RORB: variants seen among roughly 807,000 people sequenced by gnomAD.
RORB encodes the protein RAR related orphan receptor B, also known as nuclear receptor ROR-beta.
A neutral mutation model predicts 59.1 loss-of-function variants in RORB; 6 were observed. The observed-to-expected ratio is 0.10, with a 90% CI of 0.06 to 0.20. The LOEUF (loss-of-function observed/expected upper bound fraction) is 0.20, where lower values mean the gene tolerates loss of function less well. Among genes scored for constraint, RORB ranks in the 10% least tolerant of loss-of-function variants. RORB has a pLI of 1.00. For synonymous variants in RORB, 215 were observed against 204.5 expected, an observed-to-expected ratio of 1.05 and a Z score of -0.44; for missense variants, 320 against 560.5, an observed-to-expected ratio of 0.57 and a Z score of 4.33.
rs553732111 is a variant in RORB at position 74,583,327 on chromosome 9, C to G, written c.8-46955C>G. Among the ~76,000 whole-genome samples, 5 of 152,238 alleles carry G rather than the reference C, an allele frequency of 3.3e-5. No individual in the cohort carries two copies. In the East Asian group the frequency reaches 9.6e-4, roughly 29 times the overall value. On this transcript the variant is annotated intron_variant, in intron 1 of 9. Transcript: ENST00000376896. Reference sequence around the variant, plus strand: ...CCCCCAAGCACCTTCTCCGAACACCCAAACATTTCCCACAGAAACAATGGA... The same window carrying G: ...CCCCCAAGCACCTTCTCCGAACACCGAAACATTTCCCACAGAAACAATGGA...
chr9:74,673,978 A>T (rs1447306026), intron 9 of RORB, among the ~76,000 whole-genome samples: 2 of 152,106 alleles, frequency 1.3e-5, no homozygotes, highest in Non-Finnish European at 2.9e-5. Context: ...CGCAGCTCTG[A>T]TCTCTGTGGC....
intron 1 of RORB, among the ~76,000 whole-genome samples, chr9:74,549,526 AGGGAGGG>A (rs1563934429): frequency 0.075 from 3,790 of 50,610 alleles, 363 homozygotes; most frequent in South Asian, 0.21. Context: ...GAAGGGAGGG[AGGGAGGG>A]AGGGAGGGAG....
intron 8 of RORB, among the ~76,000 whole-genome samples, chr9:74,670,232 A>G (rs145169032): frequency 8.1e-4 from 124 of 152,346 alleles, no homozygotes; most frequent in African/African-American, 2.5e-3. Flanking sequence ...GAATAGTTCA[A>G]TAGAAAACTA....
At position 74,555,691 on chromosome 9, in the gene RORB, G is replaced by A. The variant is rs1046556703; in HGVS notation, c.7+57708G>A. On this transcript the variant is annotated intron_variant, in intron 1 of 9. Coordinates refer to ENST00000376896, the MANE Select transcript of RORB (RefSeq NM_006914.4). ...TTATTCAGATCCTGGAGTGTCCACAGCTTTTAAATTCACTGTAATTCCAAT... is the reference window on the plus strand; with the variant it reads ...TTATTCAGATCCTGGAGTGTCCACAACTTTTAAATTCACTGTAATTCCAAT... Among the ~76,000 whole-genome samples the A allele has an allele frequency of 1.3e-5, 2 of 152,200 alleles. 1 individual carries two copies. Among genetic ancestry groups the A allele is most frequent in the Admixed American group, 1.3e-4 (2 of 15,282 alleles).
chr9:74,499,386 G>A (rs1001413450), intron 1 of RORB, among the ~76,000 whole-genome samples: 1 of 152,122 alleles, frequency 6.6e-6, no homozygotes, highest in South Asian at 2.1e-4. Context: ...TCCCGCACCC[G>A]GTGAGCCCCG....
chr9:74,511,577 G>A (rs1334426983), intron 1 of RORB, among the ~76,000 whole-genome samples: 1 of 150,458 alleles, frequency 6.6e-6, no homozygotes, highest in African/African-American at 2.4e-5. Context: ...ACCAGCCTGG[G>A]CAACATAGCA....
chr9:74,676,549 G>C (rs957191074), intron 9 of RORB, among the ~76,000 whole-genome samples: 1 of 152,216 alleles, frequency 6.6e-6, no homozygotes. Flanking sequence ...AAGTGCTTGT[G>C]CCTCACCATG....
intron 4 of RORB, among the ~76,000 whole-genome samples, chr9:74,657,009 A>C (rs2118501326): frequency 6.6e-6 from 1 of 152,222 alleles, no homozygotes; most frequent in East Asian, 1.9e-4. Context: ...GTTTCAAAAC[A>C]TTGCTTACTA....
intron 9 of RORB, among the ~76,000 whole-genome samples, chr9:74,674,497 T>A (rs767674583): frequency 4.6e-5 from 7 of 152,224 alleles, no homozygotes; most frequent in Non-Finnish European, 7.3e-5. Context: ...TGAATAGGTG[T>A]TAACAGACAT....
At chr9:74,503,988 T>C (rs748424652) in intron 1 of RORB, among the ~76,000 whole-genome samples, 10 of 152,078 alleles carry the variant, frequency 6.6e-5, no homozygotes, top group Non-Finnish European at 1.5e-4. Flanking sequence ...CTAATGGCAC[T>C]GGGGGTAGAT....
intron 4 of RORB, among the ~76,000 whole-genome samples, chr9:74,652,113 CT>C (rs1414190741): frequency 2.6e-5 from 4 of 152,140 alleles, no homozygotes; most frequent in African/African-American, 9.7e-5. Flanking sequence ...GCTTTCTTAC[CT>C]TTTATTAGAA....
chr9:74,682,383 T>A, intron 9 of RORB, among the ~76,000 whole-genome samples: 1 of 151,556 alleles, frequency 6.6e-6, no homozygotes, highest in East Asian at 1.9e-4. Flanking sequence ...TGTATACATA[T>A]GTAACTAACC....
At chr9:74,527,238 G>A (rs1342989463) in intron 1 of RORB, among the ~76,000 whole-genome samples, 1 of 151,876 alleles carries the variant, frequency 6.6e-6, no homozygotes, top group Non-Finnish European at 1.5e-5. Context: ...TGAGGAGTAG[G>A]TTTAGTTACT....
intron 1 of RORB, among the ~76,000 whole-genome samples, chr9:74,530,719 A>AT (rs1391154624): frequency 2.6e-5 from 4 of 151,752 alleles, no homozygotes; most frequent in Non-Finnish European, 5.9e-5. Flanking sequence ...ACTAATTGAG[A>AT]TTTTTTATTA....
chr9:74,532,023 C>T (rs1441819283), intron 1 of RORB, among the ~76,000 whole-genome samples: 1 of 151,894 alleles, frequency 6.6e-6, no homozygotes, highest in Non-Finnish European at 1.5e-5. Context: ...TAAGCTGACA[C>T]ACTGTCACTG....
intron 1 of RORB, among the ~76,000 whole-genome samples, chr9:74,534,990 C>T (rs964756341): frequency 9.2e-5 from 14 of 152,026 alleles, no homozygotes; most frequent in Non-Finnish European, 1.9e-4. Flanking sequence ...GTGACAAATT[C>T]TCACCTCTCC....
At position 74,497,764 on chromosome 9, in the gene RORB, C is replaced by G. The variant is rs956106436; in HGVS notation, c.-213C>G. 3 of 543,614 alleles carry G rather than the reference C, an allele frequency of 5.5e-6. No individual in the cohort carries two copies. The highest frequency in any genetic ancestry group is 3.1e-5 in the Admixed American group (1 of 32,754). 33.7% of individuals were successfully genotyped at this position (543,614 alleles called of 1,614,324 possible). A position where few individuals can be genotyped will look rare whatever the true frequency, so the allele number is the denominator to read the frequency against. On this transcript the variant is annotated 5_prime_UTR_variant, in exon 1 of 10. Transcript: ENST00000376896. ...ACAAACAAACAAACAATCATCAAAA[C>G]AGTCACCACCAACATCAAAACTGTT...
At chr9:74,505,981 A>T (rs1348196680) in intron 1 of RORB, among the ~76,000 whole-genome samples, 4 of 151,916 alleles carry the variant, frequency 2.6e-5, no homozygotes, top group African/African-American at 9.7e-5. Flanking sequence ...TTTTAAAAAA[A>T]AAAAAGTATC....
In RORB at chr9:74,505,399, T is replaced by A. The variant is rs529852821; in HGVS notation, c.7+7416T>A. On this transcript the variant is annotated intron_variant, in intron 1 of 9. Transcript: ENST00000376896. ...AGTTTTAATTTTAAAAAGAATAAGC[T>A]CAAAGATGATGTCATCTTTTACAGC... Among the ~76,000 whole-genome samples, 8 of 152,216 alleles carry A rather than the reference T, an allele frequency of 5.3e-5. No individual in the cohort carries two copies. In the South Asian group the frequency reaches 1.2e-3, roughly 24 times the overall value.
Sources: allele counts gnomAD v4.1 joint callset (sites outside exome capture counted in the v4.1 genomes callset), GRCh38; gene constraint gnomAD v4.1.1; transcripts MANE v1.5; gene names NCBI Gene and HGNC (gene_info 2026-07-23, HGNC 2026-07-21).